GSPT1: variants seen among roughly 807,000 people sequenced by gnomAD.
The protein encoded by GSPT1 is eukaryotic peptide chain release factor GTP-binding subunit ERF3A.
Under a neutral mutation model 72.5 loss-of-function variants are expected in GSPT1, and 20 were observed. That is an observed-to-expected ratio of 0.28 (90% CI 0.19 to 0.40). The LOEUF is 0.40. GSPT1 is among the 10% of genes least tolerant of loss of function. GSPT1 has a pLI of 1.00. For synonymous variants in GSPT1, 334 were observed against 293.5 expected (o/e 1.14, Z -1.41); for missense variants, 580 against 811.9 (o/e 0.71, Z 3.47).
chr16:11,868,170 A>G lies in GSPT1; in HGVS notation c.*4949T>C, dbSNP rs886589456. On this transcript the variant is annotated 3_prime_UTR_variant, in exon 15 of 15. Coordinates refer to ENST00000434724, the MANE Select transcript of GSPT1 (RefSeq NM_002094.4). ...CAACTTTTATTGTTATTACAAAAGC[A>G]AATTTAATTTGTCATTTGAATAATT... 5.9e-5 allele frequency: 9 copies of G among 152,196 alleles called. No individual in the cohort carries two copies. The highest frequency in any genetic ancestry group is 2.2e-4 in the African/African-American group (9 of 41,456). 9.4% of individuals were successfully genotyped at this position (152,196 alleles called of 1,614,324 possible). A position where few individuals can be genotyped will look rare whatever the true frequency, so the allele number is the denominator to read the frequency against.
chr16:11,899,390 T>G (rs2054378060), intron 1 of GSPT1, among the ~76,000 whole-genome samples: 1 of 151,974 alleles, frequency 6.6e-6, no homozygotes, highest in East Asian at 1.9e-4. Flanking sequence ...TCTTGCAGCT[T>G]AAACTACATG....
intron 5 of GSPT1, among the ~76,000 whole-genome samples, chr16:11,893,657 T>C (rs979976025): frequency 1.3e-5 from 2 of 152,164 alleles, no homozygotes; most frequent in Non-Finnish European, 2.9e-5. Flanking sequence ...TATAGTGCAG[T>C]GCACCTAAGC....
intron 11 of GSPT1, chr16:11,882,118 TA>T (rs966511480): frequency 5.3e-5 from 8 of 152,158 alleles, no homozygotes; most frequent in African/African-American, 1.9e-4. Flanking sequence ...CTGTCTCTAC[TA>T]AAACCACAAA....
chr16:11,892,842 A>AAAAAAAAAAG (rs2054285749), intron 5 of GSPT1, among the ~76,000 whole-genome samples: 2 of 149,322 alleles, frequency 1.3e-5, no homozygotes, highest in Non-Finnish European at 3.0e-5. Flanking sequence ...AAAAAAAAAA[A>AAAAAAAAAAG]AAAAAAAAAA....
At chr16:11,879,309 G>A (rs536809814) in intron 11 of GSPT1, among the ~76,000 whole-genome samples, 1,809 of 151,694 alleles carry the variant, frequency 0.012, 36 homozygotes, top group African/African-American at 0.041. Context: ...GCAGAGAACT[G>A]CTTGAACCCT....
intron 11 of GSPT1, among the ~76,000 whole-genome samples, chr16:11,879,429 C>T (rs528728146): frequency 1.1e-4 from 16 of 145,652 alleles, no homozygotes; most frequent in Non-Finnish European, 2.0e-4. Flanking sequence ...TTAGAAGTCA[C>T]TCACCTAAAA....
At chr16:11,887,323 T>C (rs933591970) in intron 7 of GSPT1, among the ~76,000 whole-genome samples, 1 of 152,134 alleles carries the variant, frequency 6.6e-6, no homozygotes, top group South Asian at 2.1e-4. Context: ...TGGCATTTAA[T>C]GGAGACTAAG....
intron 6 of GSPT1, 135 bp downstream of exon 6, chr16:11,890,927 G>T: frequency 1.7e-6 from 1 of 586,548 alleles, no homozygotes. Flanking sequence ...TGTGTATTAT[G>T]AGGAGAGGGG....
In GSPT1 at chr16:11,892,523, C is replaced by CAAAAAA. The variant is rs1452581943; in HGVS notation, c.699-1390_699-1385dup. On this transcript the variant is annotated intron_variant, in intron 5 of 14. Coordinates refer to ENST00000434724, the MANE Select transcript of GSPT1 (RefSeq NM_002094.4). ...CCCTTTCTCAAAAAAACAAAAAAAA[C>CAAAAAA]AAAAAAAACAAAAAATAAAAAATGG... Among the ~76,000 whole-genome samples, 54 of 116,076 alleles carry CAAAAAA rather than the reference C, an allele frequency of 4.7e-4. 3 individuals carry two copies. In the East Asian group the frequency reaches 0.011, roughly 25 times the overall value. 76.2% of individuals were successfully genotyped at this position (116,076 alleles called of 152,430 possible). A position where few individuals can be genotyped will look rare whatever the true frequency, so the allele number is the denominator to read the frequency against.
chr16:11,880,024 C>T (rs1264588313), intron 11 of GSPT1, among the ~76,000 whole-genome samples: 1 of 152,198 alleles, frequency 6.6e-6, no homozygotes, highest in Non-Finnish European at 1.5e-5. Flanking sequence ...ACCCTGGCAA[C>T]CACCATCCTA....
At chr16:11,906,082 CTTTTCTT>C (rs2054485533) in intron 1 of GSPT1, among the ~76,000 whole-genome samples, 2 of 151,878 alleles carry the variant, frequency 1.3e-5, no homozygotes, top group South Asian at 4.1e-4. Flanking sequence ...CATTTTTTCA[CTTTTCTT>C]TTTTCTTTTT....
chr16:11,890,732 C>G (rs566215711), intron 6 of GSPT1: 1 of 173,946 alleles, frequency 5.7e-6, no homozygotes, highest in East Asian at 1.7e-4. Context: ...TTCCCCCCAA[C>G]TGCCACCACA....
Position 11,894,972 on chromosome 16 carries a change from G to GT in GSPT1, c.679dup (p.Thr227AsnfsTer14). 6.3e-7 allele frequency: 1 copy of GT among 1,589,438 alleles called. No homozygotes were observed. Among genetic ancestry groups the GT allele is most frequent in the Non-Finnish European group, 8.6e-7 (1 of 1,163,690 alleles). On this transcript the variant is annotated frameshift_variant, in exon 5 of 15. Coordinates refer to ENST00000434724, the MANE Select transcript of GSPT1 (RefSeq NM_002094.4). LOFTEE classifies it high-confidence loss of function. The stretch of plus-strand genomic sequence containing the variant: ...GACTTACATTATTTGTCCTCCAATG[G>GT]TTGACTTGCCAGCATCTAAAAGTAA...
intron 1 of GSPT1, among the ~76,000 whole-genome samples, chr16:11,902,089 TA>T (rs34522466): frequency 5.9e-4 from 79 of 133,440 alleles, no homozygotes; most frequent in Non-Finnish European, 7.3e-4. Flanking sequence ...AACTCCATCT[TA>T]AAAAAAAAAA....
At chr16:11,915,957 G>A (rs2054632911), upstream of GSPT1, 1 of 734,420 alleles carries the variant, frequency 1.4e-6, no homozygotes. Context: ...GTGTGTGAGC[G>A]GATCTCCTCC....
At chr16:11,899,421 C>T (rs1293766425) in intron 1 of GSPT1, among the ~76,000 whole-genome samples, 1 of 151,956 alleles carries the variant, frequency 6.6e-6, no homozygotes, top group Non-Finnish European at 1.5e-5. Context: ...GGCAAGACCC[C>T]ACAGGCAGGA....
At chr16:11,879,106 T>TAAA (rs34049247) in intron 11 of GSPT1, among the ~76,000 whole-genome samples, 1 of 149,054 alleles carries the variant, frequency 6.7e-6, no homozygotes, top group African/African-American at 2.5e-5. Context: ...ATAATAATAA[T>TAAA]AAAAAAAAGG....
chr16:11,916,272 C>T (rs2054636332), upstream of GSPT1, among the ~76,000 whole-genome samples: 1 of 152,078 alleles, frequency 6.6e-6, no homozygotes, highest in South Asian at 2.1e-4. Flanking sequence ...CACCTGTCAC[C>T]TGGTGGGGGG....
chr16:11,916,171 C>T (rs971200153), upstream of GSPT1: 20 of 364,126 alleles, frequency 5.5e-5, no homozygotes, highest in South Asian at 3.7e-4. Context: ...CGACGGGAGT[C>T]GAAGTTCAGG....
Sources: allele counts gnomAD v4.1 joint callset (sites outside exome capture counted in the v4.1 genomes callset), GRCh38; gene constraint gnomAD v4.1.1; transcripts MANE v1.5; gene names NCBI Gene and HGNC (gene_info 2026-07-23, HGNC 2026-07-21).